The following DLGAP2 variants were observed in gnomAD, a reference collection of about 807,000 sequenced individuals.
DLGAP2 encodes the protein disks large-associated protein 2.
DLGAP2 carries 26 observed loss-of-function variants against 100.3 expected under a neutral mutation model. That is an observed-to-expected ratio of 0.26 (90% CI 0.19 to 0.36). The LOEUF (loss-of-function observed/expected upper bound fraction) is 0.36, where lower values mean the gene tolerates loss of function less well. Ranked by LOEUF, DLGAP2 falls within the 10% of genes least tolerant of loss-of-function variation. The pLI is 1.00. For missense variants in DLGAP2, 1,858 were observed against 1,453.2 expected, an observed-to-expected ratio of 1.28 and a Z score of -4.53; for synonymous variants, 886 against 630.1, an observed-to-expected ratio of 1.41 and a Z score of -6.08.
rs1443618304 is a variant in DLGAP2, at chr8:1,702,534, T to G, written c.*1128T>G. On this transcript the variant is annotated 3_prime_UTR_variant, in exon 15 of 15. Coordinates refer to ENST00000637795, the MANE Select transcript of DLGAP2 (RefSeq NM_001346810.2). ...AGAATTCTTTTGTCCTATGCAGTAT[T>G]GCTAAAGTCGAGAATATATTCCTTG... 1 of 152,652 alleles carries G rather than the reference T, an allele frequency of 6.6e-6. No homozygotes were observed. Among genetic ancestry groups the G allele is most frequent in the African/African-American group, 2.4e-5 (1 of 41,454 alleles). The allele number at this position is 152,652 out of a possible 1,614,324, so 9.5% of individuals were successfully genotyped here.
At chr8:1,028,346 C>G (rs1310804427) in intron 2 of DLGAP2, among the ~76,000 whole-genome samples, 1 of 140,730 alleles carries the variant, frequency 7.1e-6, no homozygotes, top group Middle Eastern at 3.8e-3. Context: ...GGGTGTCAGG[C>G]GCCCGTTATT....
chr8:1,523,054 G>T (rs1168042641), intron 4 of DLGAP2, among the ~76,000 whole-genome samples: 3 of 152,232 alleles, frequency 2.0e-5, no homozygotes, highest in East Asian at 1.9e-4. Flanking sequence ...CAGCACTGGG[G>T]TCACACCCAG....
At chr8:759,215 C>CACAGCCTTCCCGTTATCAATACCCCTG (rs1821008651) in intron 1 of DLGAP2, among the ~76,000 whole-genome samples, 1 of 126,616 alleles carries the variant, frequency 7.9e-6, no homozygotes, top group African/African-American at 3.3e-5. Context: ...CAATACCCCC[C>CACAGCCTTCCCGTTATCAATACCCCTG]ACAGCCTTCC....
intron 2 of DLGAP2, among the ~76,000 whole-genome samples, chr8:1,021,517 A>G (rs1801622566): frequency 6.6e-6 from 1 of 152,204 alleles, no homozygotes; most frequent in African/African-American, 2.4e-5. Flanking sequence ...ATTTCCCCTA[A>G]TTATAGATCA....
At chr8:1,093,411 A>G (rs1279736275) in intron 2 of DLGAP2, among the ~76,000 whole-genome samples, 1 of 151,984 alleles carries the variant, frequency 6.6e-6, no homozygotes. Flanking sequence ...TCACACTGAC[A>G]GCCAGAAACA....
At chr8:838,813 G>T (rs972551043) in intron 1 of DLGAP2, among the ~76,000 whole-genome samples, 1 of 152,184 alleles carries the variant, frequency 6.6e-6, no homozygotes, top group Non-Finnish European at 1.5e-5. Context: ...AAGAAGTAAA[G>T]GCAATTAATT....
At chr8:737,873 G>C (rs1300251752) in intron 1 of DLGAP2, 48 bp downstream of exon 1, 4 of 372,952 alleles carry the variant, frequency 1.1e-5, no homozygotes, top group African/African-American at 2.1e-5. Flanking sequence ...GGCTCCGAGA[G>C]CCGTCGAGGC....
At chr8:1,623,560 A>G (rs1233878164) in intron 6 of DLGAP2, among the ~76,000 whole-genome samples, 7 of 150,522 alleles carry the variant, frequency 4.7e-5, no homozygotes, top group African/African-American at 9.7e-5. Context: ...ATAACCTGGC[A>G]CCAGTGCGTG....
At chr8:1,211,588 A>G (rs188013357) in intron 2 of DLGAP2, among the ~76,000 whole-genome samples, 115 of 152,296 alleles carry the variant, frequency 7.6e-4, no homozygotes, top group African/African-American at 2.6e-3. Flanking sequence ...ATCAATACTG[A>G]TTTGTGTCCA....
chr8:776,184 A>T (rs2132616184), intron 1 of DLGAP2, among the ~76,000 whole-genome samples: 1 of 150,920 alleles, frequency 6.6e-6, no homozygotes, highest in East Asian at 1.9e-4. Flanking sequence ...TTTCTGTGGG[A>T]TTGGTGGTGA....
intron 1 of DLGAP2, among the ~76,000 whole-genome samples, chr8:906,564 C>T (rs1039214262): frequency 1.3e-5 from 2 of 152,174 alleles, no homozygotes; most frequent in African/African-American, 2.4e-5. Context: ...CACTGTTGGG[C>T]ATGGGGGCTA....
chr8:1,577,838 T>A (rs1224228581), intron 6 of DLGAP2, among the ~76,000 whole-genome samples: 1 of 152,110 alleles, frequency 6.6e-6, no homozygotes, highest in Non-Finnish European at 1.5e-5. Context: ...AGCACTGACC[T>A]TCCTCCTCAA....
At chr8:1,304,570 A>C (rs1388175863) in intron 3 of DLGAP2, among the ~76,000 whole-genome samples, 1 of 152,242 alleles carries the variant, frequency 6.6e-6, no homozygotes, top group Non-Finnish European at 1.5e-5. Context: ...TTAAAAGAAG[A>C]AAGTAGGATG....
At chr8:998,708 T>A (rs997673826) in intron 2 of DLGAP2, among the ~76,000 whole-genome samples, 17 of 152,338 alleles carry the variant, frequency 1.1e-4, no homozygotes, top group African/African-American at 3.6e-4. Flanking sequence ...TAGGTGAGAA[T>A]GCCTGCCCTT....
intron 1 of DLGAP2, among the ~76,000 whole-genome samples, chr8:780,999 G>A (rs1821669973): frequency 6.6e-6 from 1 of 152,178 alleles, no homozygotes; most frequent in Non-Finnish European, 1.5e-5. Flanking sequence ...CTCTCCATGA[G>A]GTTGTATAGT....
At chr8:1,480,385 A>G (rs2130242292) in intron 3 of DLGAP2, among the ~76,000 whole-genome samples, 1 of 152,270 alleles carries the variant, frequency 6.6e-6, no homozygotes, top group East Asian at 1.9e-4. Flanking sequence ...ACTCAGGGTC[A>G]TGTTTCACTG....
At chr8:1,376,216 C>T (rs935772146) in intron 3 of DLGAP2, among the ~76,000 whole-genome samples, 2 of 152,264 alleles carry the variant, frequency 1.3e-5, no homozygotes, top group African/African-American at 2.4e-5. Context: ...CAGAAAGAGT[C>T]CTTGAAGCCC....
intron 3 of DLGAP2, among the ~76,000 whole-genome samples, chr8:1,276,128 G>A (rs977526783): frequency 4.2e-5 from 6 of 141,250 alleles, no homozygotes; most frequent in African/African-American, 1.1e-4. Flanking sequence ...ATATATAAAT[G>A]TATATAAACT....
At position 1,434,706 on chromosome 8, in the gene DLGAP2, C is replaced by G. The variant is rs75357898; in HGVS notation, c.107-66660C>G. On this transcript the variant is annotated intron_variant, in intron 3 of 14. Coordinates refer to ENST00000637795, the MANE Select transcript of DLGAP2 (RefSeq NM_001346810.2). The stretch of plus-strand genomic sequence containing the variant: ...GCCCTGGCTGATCTCGAACTCCAGA[C>G]TCAGGCAATCTTCCAGCCTTTGTCT... Among the ~76,000 whole-genome samples, 560 of 152,322 alleles carry G rather than the reference C, an allele frequency of 3.7e-3. 4 individuals are homozygous for G. The highest frequency in any genetic ancestry group is 0.013 in the African/African-American group (546 of 41,584).
Sources: gnomAD v4.1 joint callset for allele counts (sites outside exome capture counted in the v4.1 genomes callset) on GRCh38, gnomAD v4.1.1 for gene constraint, MANE v1.5 for transcripts, NCBI Gene and HGNC (gene_info 2026-07-23, HGNC 2026-07-21) for gene names.